The following TBC1D19 variants were observed in gnomAD, a reference collection of about 807,000 sequenced individuals.
TBC1D19 encodes the protein TBC1 domain family, member 19.
A neutral mutation model predicts 89.0 loss-of-function variants in TBC1D19; 60 were observed. That is an observed-to-expected ratio of 0.67 (90% CI 0.55 to 0.84). The LOEUF (loss-of-function observed/expected upper bound fraction) is 0.84, where lower values mean the gene tolerates loss of function less well. Among genes scored for constraint, TBC1D19 ranks in the 40% least tolerant of loss-of-function variants. The pLI is 0.00. For synonymous variants in TBC1D19, 189 were observed against 199.7 expected (o/e 0.95, Z 0.45); for missense variants, 500 against 610.8 (o/e 0.82, Z 1.91).
rs527451091 is a variant in TBC1D19, at chr4:26,654,695, C to T, written c.481-4902C>T. Among the ~76,000 whole-genome samples the T allele has an allele frequency of 2.0e-3, 311 of 152,292 alleles. 1 individual carries two copies. The highest frequency in any genetic ancestry group is 6.8e-3 in the Middle Eastern group (2 of 294). ...GCTACTGAGGCTTGTGCATTCGTCA[C>T]GTAGTTCTCGTGCCTTGGTTTTCAG... On this transcript the variant is annotated intron_variant, in intron 7 of 20. Transcript: ENST00000264866.
intron 13 of TBC1D19, among the ~76,000 whole-genome samples, chr4:26,707,301 C>T (rs1171049447): frequency 6.6e-6 from 1 of 151,976 alleles, no homozygotes; most frequent in Non-Finnish European, 1.5e-5. Context: ...CTTTCTGTCT[C>T]CCATAACCTC....
chr4:26,580,271 CT>C (rs141142416), upstream of TBC1D19, among the ~76,000 whole-genome samples: 4,415 of 151,364 alleles, frequency 0.029, 162 homozygotes, highest in African/African-American at 0.085. Context: ...GCAGAAGGGG[CT>C]TTTTTTTTCC....
the TBC1D19 span, among the ~76,000 whole-genome samples, chr4:26,835,495 A>G: frequency 1.3e-5 from 2 of 152,156 alleles, no homozygotes; most frequent in African/African-American, 2.4e-5. Context: ...ACCCTTCTAC[A>G]TTTTCGATCT....
chr4:26,601,913 T>C (rs577524586), intron 1 of TBC1D19, among the ~76,000 whole-genome samples: 5 of 152,370 alleles, frequency 3.3e-5, no homozygotes, highest in African/African-American at 1.2e-4. Context: ...TTTCTTTAAT[T>C]AGAATTGTTT....
chr4:26,651,148 G>A lies in TBC1D19; in HGVS notation c.481-8449G>A, dbSNP rs565406650. Among the ~76,000 whole-genome samples, 58 of 152,198 alleles carry A rather than the reference G, an allele frequency of 3.8e-4. No individual in the cohort carries two copies. The South Asian group carries it at 8.7e-3, about 23-fold the overall frequency. On this transcript the variant is annotated intron_variant, in intron 7 of 20. Coordinates refer to ENST00000264866, the MANE Select transcript of TBC1D19 (RefSeq NM_018317.4). Reference sequence around the variant, plus strand: ...GTAGTATAGTTTGAAGTCAGGTAGCGTGATGCCTTCGGCTTTGTTCTTTTG... The same window carrying A: ...GTAGTATAGTTTGAAGTCAGGTAGCATGATGCCTTCGGCTTTGTTCTTTTG...
intron 17 of TBC1D19, chr4:26,740,895 G>A (rs1476495924): frequency 1.9e-5 from 19 of 985,094 alleles, no homozygotes; most frequent in East Asian, 1.1e-4. Context: ...TTCATACATC[G>A]CTAGTGAAAG....
At chr4:26,731,407 T>G (rs879459014) in intron 15 of TBC1D19, among the ~76,000 whole-genome samples, 2 of 152,112 alleles carry the variant, frequency 1.3e-5, no homozygotes, top group Non-Finnish European at 2.9e-5. Flanking sequence ...TAAGTGGTCC[T>G]TATCCAAAAG....
chr4:26,679,424 G>A (rs1713134824), intron 11 of TBC1D19, among the ~76,000 whole-genome samples: 1 of 152,140 alleles, frequency 6.6e-6, no homozygotes, highest in African/African-American at 2.4e-5. Flanking sequence ...GTCAAGAATT[G>A]GGGTTTGGGA....
At chr4:26,769,650 C>T in the TBC1D19 span, among the ~76,000 whole-genome samples, 5 of 151,848 alleles carry the variant, frequency 3.3e-5, no homozygotes, top group African/African-American at 7.3e-5. Context: ...TCAAGCAATC[C>T]GCCCACCTCA....
At chr4:26,710,602 A>G (rs1440482463) in intron 13 of TBC1D19, among the ~76,000 whole-genome samples, 1 of 152,016 alleles carries the variant, frequency 6.6e-6, no homozygotes, top group Admixed American at 6.6e-5. Flanking sequence ...CTGAGGAATC[A>G]CCACACCGAC....
At chr4:26,582,918 T>G (rs1180793420), upstream of TBC1D19, among the ~76,000 whole-genome samples, 1 of 152,224 alleles carries the variant, frequency 6.6e-6, no homozygotes, top group Non-Finnish European at 1.5e-5. Context: ...CTTTAGTCCT[T>G]TGCTATTCAG....
intron 5 of TBC1D19, among the ~76,000 whole-genome samples, chr4:26,637,719 C>T (rs557256821): frequency 8.5e-5 from 13 of 152,168 alleles, no homozygotes; most frequent in African/African-American, 3.1e-4. Flanking sequence ...AAACAAAAAT[C>T]TGTAAAAGGC....
chr4:26,637,272 C>T lies in TBC1D19; in HGVS notation c.356C>T (p.Pro119Leu). 2 of 1,608,690 alleles carry T rather than the reference C, an allele frequency of 1.2e-6. No homozygotes were observed. The highest frequency in any genetic ancestry group is 1.7e-6 in the Non-Finnish European group (2 of 1,177,472). Residue 119 changes from proline to leucine, a missense_variant, in exon 5 of 21, where the codon CCA (proline) becomes CTA (leucine). Transcript: ENST00000264866. ...AGTATGTGCACTGAACTGAGTATCC[C>T]ACTGGCACGAAAGGTACTTTTAAAC... ...LNSMCTELSIPLARKRPVGEQ... is the reference protein window; with the variant it reads ...LNSMCTELSILLARKRPVGEQ...
At chr4:26,817,360 C>G in the TBC1D19 span, among the ~76,000 whole-genome samples, 1 of 152,142 alleles carries the variant, frequency 6.6e-6, no homozygotes, top group East Asian at 1.9e-4. Context: ...AAGGGATCAA[C>G]AAACGTCCTT....
Position 26,746,874 on chromosome 4 carries a change from C to T in TBC1D19, c.1320-1537C>T, listed in dbSNP as rs951567733. ...AAAAAAAGGGTCACTTGAACACAGGCGCTGTGATACCAGGACAGTCAACCT... is the reference window on the plus strand; with the variant it reads ...AAAAAAAGGGTCACTTGAACACAGGTGCTGTGATACCAGGACAGTCAACCT... On this transcript the variant is annotated intron_variant, in intron 18 of 20. Transcript: ENST00000264866. Among the ~76,000 whole-genome samples, 5 of 152,182 alleles carry T rather than the reference C, an allele frequency of 3.3e-5. No individual in the cohort carries two copies. The South Asian group carries it at 6.2e-4, about 19-fold the overall frequency.
chr4:26,781,867 C>A, the TBC1D19 span, among the ~76,000 whole-genome samples: 1 of 151,476 alleles, frequency 6.6e-6, no homozygotes, highest in Non-Finnish European at 1.5e-5. Flanking sequence ...ATGATTTGAG[C>A]ATTTTAATTA....
At chr4:26,782,573 T>C in the TBC1D19 span, among the ~76,000 whole-genome samples, 15 of 152,186 alleles carry the variant, frequency 9.9e-5, no homozygotes, top group Non-Finnish European at 2.1e-4. Context: ...AAATTTAGCA[T>C]TGTACTTTCT....
the TBC1D19 span, among the ~76,000 whole-genome samples, chr4:26,782,177 C>T: frequency 1.6e-3 from 250 of 152,262 alleles, 1 homozygote; most frequent in Middle Eastern, 3.4e-3. Flanking sequence ...TCCCCCCAAC[C>T]CAAAATTTGG....
At chr4:26,634,948 C>T (rs185587716) in intron 4 of TBC1D19, among the ~76,000 whole-genome samples, 273 of 152,190 alleles carry the variant, frequency 1.8e-3, no homozygotes, top group African/African-American at 6.3e-3. Flanking sequence ...ATGAGCTGCA[C>T]ATTCATGTCT....
Sources: allele counts gnomAD v4.1 joint callset (sites outside exome capture counted in the v4.1 genomes callset), GRCh38; gene constraint gnomAD v4.1.1; transcripts MANE v1.5; gene names NCBI Gene and HGNC (gene_info 2026-07-23, HGNC 2026-07-21).